The following CACNA1C variants were observed in gnomAD, a reference collection of about 807,000 sequenced individuals.
CACNA1C encodes calcium voltage-gated channel subunit alpha1 C, also known as voltage-dependent L-type calcium channel subunit alpha-1C.
Under a neutral mutation model 229.0 loss-of-function variants are expected in CACNA1C, and 30 were observed. The observed-to-expected ratio is 0.13, with a 90% CI of 0.10 to 0.18. The LOEUF (loss-of-function observed/expected upper bound fraction) is 0.18, where lower values mean the gene tolerates loss of function less well. Among genes scored for constraint, CACNA1C ranks in the 10% least tolerant of loss-of-function variants. The probability of loss-of-function intolerance (pLI) is 1.00; values close to 1 mark genes in which losing one functional copy is unlikely to be tolerated. For missense variants in CACNA1C, 1,658 were observed against 2,845.0 expected (o/e 0.58, Z 9.49); for synonymous variants, 1,114 against 1,132.5 (o/e 0.98, Z 0.33).
chr12:1,993,627 G>GGTGT (rs150056084), intron 1 of CACNA1C, among the ~76,000 whole-genome samples: 2,520 of 146,642 alleles, frequency 0.017, 54 homozygotes, highest in African/African-American at 0.051. Context: ...CTTCATTTGT[G>GGTGT]GTGTGTGTGT....
intron 1 of CACNA1C, among the ~76,000 whole-genome samples, chr12:1,975,973 A>G (rs1333729862): frequency 6.6e-6 from 1 of 152,194 alleles, no homozygotes; most frequent in East Asian, 1.9e-4. Flanking sequence ...TGTGTGTTTC[A>G]AGGAACTATC....
intron 3 of CACNA1C, among the ~76,000 whole-genome samples, chr12:2,179,004 G>A (rs2096751683): frequency 6.6e-6 from 1 of 152,180 alleles, no homozygotes; most frequent in South Asian, 2.1e-4. Flanking sequence ...AAAGGTTGCA[G>A]TGAGCCGTGA....
chr12:2,215,050 A>T lies in CACNA1C; in HGVS notation c.477+94620A>T, dbSNP rs948054653. Among the ~76,000 whole-genome samples, 1 of 152,082 alleles carries T rather than the reference A, an allele frequency of 6.6e-6. No individual in the cohort carries two copies. The highest frequency in any genetic ancestry group is 2.4e-5 in the African/African-American group (1 of 41,408). On this transcript the variant is annotated intron_variant, in intron 3 of 46. Transcript: ENST00000399655. The surrounding 1 kb of genome is among the most constrained non-coding windows in gnomAD (Gnocchi z 5.0). Reference sequence around the variant, plus strand: ...TGTGAAGTCGGGAGGAGCCGGAGGCAGTGAGGACCTGCATTGCAGCGGGTG... The same window carrying T: ...TGTGAAGTCGGGAGGAGCCGGAGGCTGTGAGGACCTGCATTGCAGCGGGTG...
intron 15 of CACNA1C, among the ~76,000 whole-genome samples, chr12:2,583,331 G>T (rs1310299072): frequency 6.6e-6 from 1 of 152,264 alleles, no homozygotes. Context: ...ATGAGCCGTT[G>T]TCCTTCAAGT....
At chr12:2,368,905 G>A (rs889791814) in intron 3 of CACNA1C, among the ~76,000 whole-genome samples, 15 of 152,136 alleles carry the variant, frequency 9.9e-5, no homozygotes, top group African/African-American at 2.4e-4. Flanking sequence ...GATAAGAGAC[G>A]GCATTCCTAC....
At chr12:2,380,943 C>T (rs1222488196) in intron 3 of CACNA1C, among the ~76,000 whole-genome samples, 1 of 152,144 alleles carries the variant, frequency 6.6e-6, no homozygotes, top group Non-Finnish European at 1.5e-5. Flanking sequence ...CCAGCTGGCC[C>T]GTGTGCTTTT....
At chr12:2,471,749 C>T (rs1401644150) in intron 5 of CACNA1C, among the ~76,000 whole-genome samples, 1 of 152,062 alleles carries the variant, frequency 6.6e-6, no homozygotes, top group African/African-American at 2.4e-5. Flanking sequence ...GTGGCACAAT[C>T]TTGGCTCACT....
intron 1 of CACNA1C, among the ~76,000 whole-genome samples, chr12:2,000,327 T>C (rs1407775564): frequency 6.6e-6 from 1 of 152,226 alleles, no homozygotes; most frequent in African/African-American, 2.4e-5. Flanking sequence ...AACACTCTCC[T>C]GGTCTTCCAG....
chr12:2,024,967 G>C (rs527563107), intron 1 of CACNA1C, among the ~76,000 whole-genome samples: 1 of 152,294 alleles, frequency 6.6e-6, no homozygotes, highest in South Asian at 2.1e-4. Flanking sequence ...TTCTTGTTTG[G>C]ATTGCTCTGG....
In CACNA1C at chr12:2,106,107, G is replaced by A. The variant is rs1365501483; in HGVS notation, c.50-9117G>A. Among the ~76,000 whole-genome samples, 2 of 50,824 alleles carry A rather than the reference G, an allele frequency of 3.9e-5. 1 individual carries two copies. The highest frequency in any genetic ancestry group is 9.4e-5 in the Non-Finnish European group (2 of 21,388). The allele number at this position is 50,824 out of a possible 152,430, so 33.3% of individuals were successfully genotyped here. On this transcript the variant is annotated intron_variant, in intron 1 of 46. Transcript: ENST00000399655. The stretch of plus-strand genomic sequence containing the variant: ...GCTGGGCGTCCTGAAGCCACTGGGC[G>A]CCCACCCTGGAGAGGGTTTCCACCT...
At chr12:1,976,020 C>T (rs1469002675) in intron 1 of CACNA1C, among the ~76,000 whole-genome samples, 2 of 152,132 alleles carry the variant, frequency 1.3e-5, no homozygotes, top group Non-Finnish European at 1.5e-5. Flanking sequence ...AATAGAAATA[C>T]GAAATCCAGA....
At chr12:2,300,633 A>G (rs1391697757) in intron 3 of CACNA1C, among the ~76,000 whole-genome samples, 1 of 152,126 alleles carries the variant, frequency 6.6e-6, no homozygotes, top group African/African-American at 2.4e-5. Context: ...TAAAAAAATA[A>G]TAATAATACA....
At chr12:1,989,099 G>C (rs2038654600) in intron 1 of CACNA1C, among the ~76,000 whole-genome samples, 1 of 152,186 alleles carries the variant, frequency 6.6e-6, no homozygotes, top group African/African-American at 2.4e-5. Context: ...AAATATCCCT[G>C]TCAGCTGGGC....
At chr12:2,670,019 T>C (rs1346098264) in intron 38 of CACNA1C, among the ~76,000 whole-genome samples, 1 of 152,180 alleles carries the variant, frequency 6.6e-6, no homozygotes, top group African/African-American at 2.4e-5. Context: ...TAGTGTTTCT[T>C]AGAGCGTGGT....
At chr12:2,142,317 G>C (rs1295111319) in intron 3 of CACNA1C, among the ~76,000 whole-genome samples, 3 of 151,068 alleles carry the variant, frequency 2.0e-5, no homozygotes, top group African/African-American at 7.3e-5. Flanking sequence ...CGTCGTAATG[G>C]TGCAGTGGCA....
chr12:2,334,760 T>C (rs2096642388), intron 3 of CACNA1C, among the ~76,000 whole-genome samples: 1 of 152,122 alleles, frequency 6.6e-6, no homozygotes, highest in Non-Finnish European at 1.5e-5. Context: ...AAATAAACTG[T>C]CCCATTGTAT....
intron 1 of CACNA1C, among the ~76,000 whole-genome samples, chr12:2,005,697 G>C (rs1158150282): frequency 6.6e-6 from 1 of 152,160 alleles, no homozygotes; most frequent in African/African-American, 2.4e-5. Context: ...ATATCTCAAA[G>C]ATCTGCTTAA....
chr12:2,510,835 T>G (rs1008421050), intron 8 of CACNA1C, among the ~76,000 whole-genome samples: 2 of 152,162 alleles, frequency 1.3e-5, no homozygotes, highest in African/African-American at 2.4e-5. Context: ...AACATAGTTT[T>G]TGGAGTTGAT....
intron 3 of CACNA1C, among the ~76,000 whole-genome samples, chr12:2,178,514 A>G (rs112382914): frequency 7.2e-5 from 11 of 152,292 alleles, no homozygotes; most frequent in African/African-American, 2.6e-4. Context: ...TGTGGTATCA[A>G]TGCTCCTGTG....
Sources: allele counts gnomAD v4.1 joint callset (sites outside exome capture counted in the v4.1 genomes callset), GRCh38; gene constraint gnomAD v4.1.1; non-coding constraint Gnocchi (gnomAD v3.1); transcripts MANE v1.5; gene names NCBI Gene and HGNC (gene_info 2026-07-23, HGNC 2026-07-21).